The following ADCK2 variants were observed in gnomAD, a reference collection of about 807,000 sequenced individuals.
The protein encoded by ADCK2 is uncharacterized aarF domain-containing protein kinase 2.
In ADCK2, 37 loss-of-function variants were observed where a neutral mutation model predicts 52.3. The ratio of observed to expected loss-of-function variants is 0.71; its 90% CI spans 0.54 to 0.93. The LOEUF is 0.93. ADCK2 is among the 40% of genes least tolerant of loss of function. The pLI is 0.00. For missense variants in ADCK2, 695 were observed against 798.7 expected (o/e 0.87, Z 1.56); for synonymous variants, 321 against 349.2 (o/e 0.92, Z 0.90).
chr7:140,685,616 C>T (rs1345965808), intron 4 of ADCK2, among the ~76,000 whole-genome samples: 1 of 152,146 alleles, frequency 6.6e-6, no homozygotes, highest in Admixed American at 6.6e-5. Flanking sequence ...CTTCCCTTAT[C>T]CCTACCAAAG....
chr7:140,675,716 C>T (rs1483360341), intron 2 of ADCK2, among the ~76,000 whole-genome samples: 2 of 152,214 alleles, frequency 1.3e-5, no homozygotes, highest in Non-Finnish European at 2.9e-5. Context: ...TGGTGGAGAA[C>T]ATCTAGCATT....
intron 7 of ADCK2, 92 bp downstream of exon 7, chr7:140,690,905 A>T: frequency 8.6e-7 from 1 of 1,162,100 alleles, no homozygotes. Context: ...CGCTTCTATT[A>T]TATGGTTCTT....
Position 140,674,889 on chromosome 7 carries a change from T to C in ADCK2, c.1080+132T>C. ...TGTGATGTGTTAGAGCTGGTAACAC[T>C]AGCTGATAAAGAACATCCAAATCTC... is the stretch of plus-strand genomic sequence containing the variant. On this transcript the variant is annotated intron_variant, in intron 2 of 7. Transcript: ENST00000072869. The surrounding 1 kb of genome is among the most constrained non-coding windows in gnomAD (Gnocchi z 4.6). 8.9e-7 allele frequency: 1 copy of C among 1,123,896 alleles called. No homozygotes were observed. Among genetic ancestry groups the C allele is most frequent in the Non-Finnish European group, 1.2e-6 (1 of 819,688 alleles). 69.6% of individuals were successfully genotyped at this position (1,123,896 alleles called of 1,614,324 possible).
chr7:140,682,025 C>G (rs1047303752), intron 4 of ADCK2, among the ~76,000 whole-genome samples: 1 of 152,154 alleles, frequency 6.6e-6, no homozygotes, highest in African/African-American at 2.4e-5. Context: ...ACAGCTGAGA[C>G]AATATCTTAT....
At chr7:140,694,299 A>AATAC (rs1208164943) in intron 7 of ADCK2, among the ~76,000 whole-genome samples, 6 of 152,192 alleles carry the variant, frequency 3.9e-5, no homozygotes, top group Non-Finnish European at 5.9e-5. Flanking sequence ...TAAATAAATA[A>AATAC]ATACATACAT....
rs1233840065 is a variant in ADCK2 at position 140,674,969 on chromosome 7, G to A, written c.1080+212G>A. ...GCTTATATCAAAGTTCTGGCCGGGC[G>A]TGGTGGCTCATGTGTGTAATCCTAG... On this transcript the variant is annotated intron_variant, in intron 2 of 7. Coordinates refer to ENST00000072869, the MANE Select transcript of ADCK2 (RefSeq NM_052853.4). This position sits in a 1 kb window ranked among gnomAD's most constrained non-coding sequence, Gnocchi z 4.6. Among the ~76,000 whole-genome samples, 4 of 152,186 alleles carry A rather than the reference G, an allele frequency of 2.6e-5. No individual in the cohort carries two copies. The highest frequency in any genetic ancestry group is 9.7e-5 in the African/African-American group (4 of 41,450).
chr7:140,684,516 G>A (rs540284504), intron 4 of ADCK2, among the ~76,000 whole-genome samples: 2 of 152,240 alleles, frequency 1.3e-5, no homozygotes, highest in South Asian at 2.1e-4. Flanking sequence ...CGATGGGGTC[G>A]AGGCGGATAG....
intron 6 of ADCK2, 136 bp from the exon 7 acceptor site, chr7:140,690,624 T>A: frequency 1.4e-6 from 1 of 694,378 alleles, no homozygotes; most frequent in South Asian, 2.0e-5. Flanking sequence ...GATGGTCCCT[T>A]TTGTGCTGAC....
rs1336481014 is a variant in ADCK2 at position 140,674,821 on chromosome 7, T to C, written c.1080+64T>C. 6.5e-7 allele frequency: 1 copy of C among 1,535,730 alleles called. No individual in the cohort carries two copies. The highest frequency in any genetic ancestry group is 1.4e-5 in the African/African-American group (1 of 73,538). On this transcript the variant is annotated intron_variant, in intron 2 of 7. Coordinates refer to ENST00000072869, the MANE Select transcript of ADCK2 (RefSeq NM_052853.4). The surrounding 1 kb of genome is among the most constrained non-coding windows in gnomAD (Gnocchi z 4.6). The stretch of plus-strand genomic sequence containing the variant: ...ATAGTTCTTGCCATTAGCTGCTACT[T>C]AGTAAATGTTGAATGAATAATTTTC...
rs370621171 is a variant in ADCK2, at chr7:140,678,691, T to A, written c.1081-464T>A. Among the ~76,000 whole-genome samples, 1 of 151,852 alleles carries A rather than the reference T, an allele frequency of 6.6e-6. No individual in the cohort carries two copies. Among genetic ancestry groups the A allele is most frequent in the African/African-American group, 2.4e-5 (1 of 41,314 alleles). The stretch of plus-strand genomic sequence containing the variant: ...GTCCTTTGGGTCTGGTGAGTGGTGG[T>A]TGGGGAGAGTAGCAGTGGCAGTGTC... On this transcript the variant is annotated intron_variant, in intron 2 of 7. Coordinates refer to ENST00000072869, the MANE Select transcript of ADCK2 (RefSeq NM_052853.4). This position sits in a 1 kb window ranked among gnomAD's most constrained non-coding sequence, Gnocchi z 4.9.
At chr7:140,681,736 C>T (rs567908629) in intron 4 of ADCK2, among the ~76,000 whole-genome samples, 95 of 152,030 alleles carry the variant, frequency 6.2e-4, no homozygotes, top group Non-Finnish European at 1.2e-3. Flanking sequence ...TGCCTCCTCA[C>T]TCCTCAGCCT....
chr7:140,674,965 G>A lies in ADCK2; in HGVS notation c.1080+208G>A, dbSNP rs1045376472. Among the ~76,000 whole-genome samples, 4 of 152,272 alleles carry A rather than the reference G, an allele frequency of 2.6e-5. No homozygotes were observed. The highest frequency in any genetic ancestry group is 2.1e-4 in the South Asian group (1 of 4,828). ...TTTTGCTTATATCAAAGTTCTGGCCGGGCGTGGTGGCTCATGTGTGTAATC... is the reference window on the plus strand; with the variant it reads ...TTTTGCTTATATCAAAGTTCTGGCCAGGCGTGGTGGCTCATGTGTGTAATC... On this transcript the variant is annotated intron_variant, in intron 2 of 7. Coordinates refer to ENST00000072869, the MANE Select transcript of ADCK2 (RefSeq NM_052853.4). The surrounding 1 kb of genome is among the most constrained non-coding windows in gnomAD (Gnocchi z 4.6).
intron 4 of ADCK2, among the ~76,000 whole-genome samples, chr7:140,682,521 A>G (rs1794533704): frequency 6.6e-6 from 1 of 152,180 alleles, no homozygotes; most frequent in Non-Finnish European, 1.5e-5. Context: ...CAAAGGGTCT[A>G]GTAAATCTGT....
rs1441569901 is a variant in ADCK2, at chr7:140,687,011, C to G, written c.1327C>G (p.His443Asp). The change falls in exon 5 of 8, where the codon CAT becomes GAT. Residue 443 changes from histidine (H) to aspartate (D), a missense_variant. Physicochemically the swap from His to Asp is moderately conservative, Grantham distance 81. Transcript: ENST00000072869. ...LKMIFVDNFV[H>D]ADLHPGNILV... ...CCAGATATTTGTGGATAACTTTGTC[C>G]ATGCAGACCTTCACCCTGGAAACAT... The G allele has an allele frequency of 6.2e-7, 1 of 1,613,712 alleles. No individual in the cohort carries two copies. Among genetic ancestry groups the G allele is most frequent in the Non-Finnish European group, 8.5e-7 (1 of 1,179,660 alleles).
At position 140,673,665 on chromosome 7, in the gene ADCK2, C is replaced by T; in HGVS notation, c.335C>T (p.Pro112Leu). 6.2e-7 allele frequency: 1 copy of T among 1,611,142 alleles called. No individual in the cohort carries two copies. The change falls in exon 1 of 8, where the codon CCC (proline) becomes CTC (leucine). Residue 112 changes from proline (P) to leucine (L), a missense_variant. Pro to Leu is a moderately conservative substitution (Grantham distance 98). Coordinates refer to ENST00000072869, the MANE Select transcript of ADCK2 (RefSeq NM_052853.4). The surrounding 1 kb of genome is among the most constrained non-coding windows in gnomAD (Gnocchi z 6.4). The part of the protein sequence containing the change: ...RAGALLVKFF[P>L]LLLLYPLTYL... ...GGCGCTCTGTTGGTGAAATTCTTCC[C>T]CCTCCTACTCCTCTACCCCCTCACC...
At position 140,687,247 on chromosome 7, in the gene ADCK2, A is replaced by G. The variant is rs1436601467; in HGVS notation, c.1557+6A>G. 2 of 1,546,024 alleles carry G rather than the reference A, an allele frequency of 1.3e-6. No homozygotes were observed. The highest frequency in any genetic ancestry group is 4.8e-5 in the East Asian group (2 of 41,484). On this transcript the variant is annotated splice_donor_region_variant and intron_variant, in intron 5 of 7. Transcript: ENST00000072869. ...TGGCTGTGGTGATGGGGCAGGTGAG[A>G]CGCACTGGGACCACAGAAGTTGGGG...
chr7:140,687,227 G>A lies in ADCK2; in HGVS notation c.1543G>A (p.Val515Met). ...LRNFRAVFMA[V>M]VMGQGQRVAE... ...GAATTTCCGGGCAGTTTTCATGGCT[G>A]TGGTGATGGGGCAGGTGAGACGCAC... Residue 515 changes from valine to methionine, a missense_variant, in exon 5 of 8, where the codon GTG (valine) becomes ATG (methionine). By Grantham distance (21) the Val-to-Met change is conservative. Coordinates refer to ENST00000072869, the MANE Select transcript of ADCK2 (RefSeq NM_052853.4). 6.4e-7 allele frequency: 1 copy of A among 1,569,042 alleles called. No individual in the cohort carries two copies. The highest frequency in any genetic ancestry group is 1.2e-5 in the South Asian group (1 of 86,932).
rs1475844868 is a variant in ADCK2 at position 140,678,472 on chromosome 7, G to A, written c.1081-683G>A. ...TGGTGGCTGTCAAGGGGACACACAC[G>A]CTCACTTCGGTCAGGAGAAAGGACA... On this transcript the variant is annotated intron_variant, in intron 2 of 7. Transcript: ENST00000072869. This position sits in a 1 kb window ranked among gnomAD's most constrained non-coding sequence, Gnocchi z 4.9. Among the ~76,000 whole-genome samples, 2 of 152,254 alleles carry A rather than the reference G, an allele frequency of 1.3e-5. No homozygotes were observed. Among genetic ancestry groups the A allele is most frequent in the East Asian group, 1.9e-4 (1 of 5,160 alleles).
intron 3 of ADCK2, among the ~76,000 whole-genome samples, chr7:140,680,630 G>T (rs1275606324): frequency 1.3e-5 from 2 of 152,150 alleles, no homozygotes; most frequent in Non-Finnish European, 2.9e-5. Flanking sequence ...TATGTGACTT[G>T]TCATCCTTCT....
Sources: gnomAD v4.1 joint callset for allele counts (sites outside exome capture counted in the v4.1 genomes callset) on GRCh38, gnomAD v4.1.1 for gene constraint, Gnocchi (gnomAD v3.1) non-coding constraint, MANE v1.5 for transcripts, NCBI Gene and HGNC (gene_info 2026-07-23, HGNC 2026-07-21) for gene names.